TMEM117: variants seen among roughly 807,000 people sequenced by gnomAD.
The protein encoded by TMEM117 is transmembrane protein 117.
In TMEM117, 27 loss-of-function variants were observed where a neutral mutation model predicts 52.4. The ratio of observed to expected loss-of-function variants is 0.51; its 90% CI spans 0.38 to 0.71. The LOEUF (loss-of-function observed/expected upper bound fraction) is 0.71, where lower values mean the gene tolerates loss of function less well. TMEM117 is among the 30% of genes least tolerant of loss of function. TMEM117 has a pLI of 0.00. For missense variants in TMEM117, 556 were observed against 630.5 expected (o/e 0.88, Z 1.26); for synonymous variants, 215 against 206.3 (o/e 1.04, Z -0.36).
At chr12:44,282,444 C>G (rs7969835) in intron 5 of TMEM117, among the ~76,000 whole-genome samples, 2,932 of 152,142 alleles carry the variant, frequency 0.019, 88 homozygotes, top group African/African-American at 0.067. Context: ...GCGATATGGA[C>G]CATAAGGTCC....
intron 2 of TMEM117, among the ~76,000 whole-genome samples, chr12:43,879,103 T>C (rs1439374561): frequency 2.0e-5 from 3 of 152,192 alleles, no homozygotes; most frequent in Non-Finnish European, 2.9e-5. Flanking sequence ...AGGTAGATAA[T>C]GGATACACAT....
intron 3 of TMEM117, among the ~76,000 whole-genome samples, chr12:44,071,036 T>C (rs1300505142): frequency 1.3e-5 from 2 of 152,188 alleles, no homozygotes; most frequent in African/African-American, 4.8e-5. Context: ...GAAAAACATT[T>C]TAAATGCACC....
chr12:44,253,739 G>A lies in TMEM117; in HGVS notation c.608+42352G>A, dbSNP rs558053368. 1.6e-4 allele frequency among the ~76,000 whole-genome samples: 24 copies of A among 151,852 alleles called. No homozygotes were observed. The South Asian group carries it at 3.7e-3, about 24-fold the overall frequency. On this transcript the variant is annotated intron_variant, in intron 5 of 7. Coordinates refer to ENST00000266534, the MANE Select transcript of TMEM117 (RefSeq NM_032256.3). ...AAATGTGGGCATACAGAGATCATTT[G>A]TTCAAGGTGATGCACTAGTAAGTGG...
At chr12:43,801,154 G>T in the TMEM117 span, among the ~76,000 whole-genome samples, 141 of 152,258 alleles carry the variant, frequency 9.3e-4, no homozygotes, top group African/African-American at 3.1e-3. Flanking sequence ...CTGAAATGAA[G>T]TAACTTTGAT....
intron 3 of TMEM117, among the ~76,000 whole-genome samples, chr12:44,013,859 T>C (rs1025708604): frequency 1.3e-5 from 2 of 152,228 alleles, no homozygotes; most frequent in Non-Finnish European, 2.9e-5. Flanking sequence ...AAGACTTCAC[T>C]TCACTGACAG....
rs372722291 is a variant in TMEM117, at chr12:43,907,690, A to G, written c.278-36520A>G. Among the ~76,000 whole-genome samples the G allele has an allele frequency of 4.6e-5, 7 of 151,982 alleles. No individual in the cohort carries two copies. The East Asian group carries it at 5.8e-4, about 13-fold the overall frequency. On this transcript the variant is annotated intron_variant, in intron 2 of 7. Transcript: ENST00000266534. ...CTGAAAACCAAGGCTCGAGAACTAC[A>G]TGAAGAATGCAGAAGCCTCTGGAGC...
intron 5 of TMEM117, among the ~76,000 whole-genome samples, chr12:44,235,366 GA>G (rs774461758): frequency 1.0e-4 from 15 of 148,572 alleles, no homozygotes; most frequent in Non-Finnish European, 2.1e-4. Flanking sequence ...GAAACAATCT[GA>G]AAATCTTTTT....
At chr12:43,999,324 A>G (rs1028359932) in intron 3 of TMEM117, among the ~76,000 whole-genome samples, 1 of 151,934 alleles carries the variant, frequency 6.6e-6, no homozygotes, top group African/African-American at 2.4e-5. Context: ...ATAAATAGAA[A>G]AACTTTCTTG....
chr12:43,835,583 A>C (rs1389880097), upstream of TMEM117, among the ~76,000 whole-genome samples: 2 of 151,774 alleles, frequency 1.3e-5, no homozygotes, highest in African/African-American at 4.8e-5. Context: ...TCCCCACACC[A>C]CCAACAGACA....
At chr12:44,303,617 A>G (rs1950869694) in intron 6 of TMEM117, among the ~76,000 whole-genome samples, 1 of 152,230 alleles carries the variant, frequency 6.6e-6, no homozygotes, top group African/African-American at 2.4e-5. Flanking sequence ...TACGTACAGG[A>G]CACAAGAAAT....
At chr12:43,869,102 G>GA (rs1943659896) in intron 2 of TMEM117, among the ~76,000 whole-genome samples, 1 of 151,894 alleles carries the variant, frequency 6.6e-6, no homozygotes, top group Non-Finnish European at 1.5e-5. Flanking sequence ...AAATATAATA[G>GA]AAAAAAATTC....
At chr12:44,140,782 G>A (rs1030616793) in intron 3 of TMEM117, among the ~76,000 whole-genome samples, 2 of 152,002 alleles carry the variant, frequency 1.3e-5, no homozygotes, top group Non-Finnish European at 2.9e-5. Flanking sequence ...GTATTCTCTT[G>A]GACCACATTC....
At chr12:44,000,375 A>G (rs1355387099) in intron 3 of TMEM117, among the ~76,000 whole-genome samples, 1 of 152,174 alleles carries the variant, frequency 6.6e-6, no homozygotes, top group African/African-American at 2.4e-5. Context: ...GTGTACTCCC[A>G]GAGGCAAGTG....
intron 2 of TMEM117, among the ~76,000 whole-genome samples, chr12:43,929,597 A>G (rs1295349218): frequency 2.6e-5 from 4 of 152,180 alleles, no homozygotes; most frequent in South Asian, 2.1e-4. Flanking sequence ...ACATATGTAT[A>G]TAACTGTAAA....
chr12:44,009,256 A>G, intron 3 of TMEM117: 1 of 277,902 alleles, frequency 3.6e-6, no homozygotes, highest in Non-Finnish European at 6.9e-6. Context: ...GCATCCTAGC[A>G]TTTGTATTTC....
At chr12:44,099,345 G>C (rs1025997777) in intron 3 of TMEM117, among the ~76,000 whole-genome samples, 1 of 151,988 alleles carries the variant, frequency 6.6e-6, no homozygotes, top group African/African-American at 2.4e-5. Flanking sequence ...TCTCTGTGAT[G>C]TTTTGATTTT....
chr12:44,158,736 G>C (rs1384222857), intron 4 of TMEM117, among the ~76,000 whole-genome samples: 1 of 152,032 alleles, frequency 6.6e-6, no homozygotes, highest in Non-Finnish European at 1.5e-5. Context: ...AAACATTATT[G>C]CAAAAATTAA....
intron 3 of TMEM117, among the ~76,000 whole-genome samples, chr12:44,063,109 G>T (rs942663592): frequency 6.6e-6 from 1 of 152,132 alleles, no homozygotes; most frequent in African/African-American, 2.4e-5. Context: ...TGCAGAATGT[G>T]ACTGCTCAGA....
At chr12:43,982,542 G>T (rs1945778208) in intron 3 of TMEM117, among the ~76,000 whole-genome samples, 2 of 151,848 alleles carry the variant, frequency 1.3e-5, no homozygotes, top group Non-Finnish European at 2.9e-5. Flanking sequence ...TCTACATTAT[G>T]TAATTATTTA....
Sources: allele counts gnomAD v4.1 joint callset (sites outside exome capture counted in the v4.1 genomes callset), GRCh38; gene constraint gnomAD v4.1.1; transcripts MANE v1.5; gene names NCBI Gene and HGNC (gene_info 2026-07-23, HGNC 2026-07-21).